Variants in ZNF91 observed in about 807,000 individuals in gnomAD.
ZNF91 encodes the protein zinc finger protein 91.
Under a neutral mutation model 12.6 loss-of-function variants are expected in ZNF91, and 7 were observed. That is an observed-to-expected ratio of 0.55 (90% CI 0.31 to 1.04). The LOEUF is 1.04. Ranked by LOEUF, ZNF91 falls within the 50% of genes least tolerant of loss-of-function variation. The pLI, the probability that ZNF91 is intolerant of heterozygous loss-of-function variation, is 0.05. For missense variants in ZNF91, 1,217 were observed against 1,385.4 expected (o/e 0.88, Z 1.93); for synonymous variants, 453 against 462.6 (o/e 0.98, Z 0.27).
chr19:23,360,164 T>G lies in ZNF91; in HGVS notation c.2815A>C (p.Lys939Gln). ...AAAGCTTTGCCACATTCTTCACATT[T>G]GTAGGGTTTCTCTCCAGTGTGCATC... is the stretch of plus-strand genomic sequence containing the variant. ...KRMHTGEKPYKCEECGKAFSQ... is the reference protein window; with the variant it reads ...KRMHTGEKPYQCEECGKAFSQ... Residue 939 changes from lysine (K) to glutamine (Q), a missense_variant, in exon 4 of 4, where the codon AAA becomes CAA. Physicochemically the swap from Lys to Gln is moderately conservative, Grantham distance 53. This residue lies in a region of ZNF91 where 491 missense variants were observed against 489.8 expected (regional missense o/e 1.00). Coordinates refer to ENST00000300619, the MANE Select transcript of ZNF91 (RefSeq NM_003430.4). 7 of 1,613,948 alleles carry G rather than the reference T, an allele frequency of 4.3e-6. No individual in the cohort carries two copies. The highest frequency in any genetic ancestry group is 4.2e-6 in the Non-Finnish European group (5 of 1,180,012).
chr19:23,365,883 G>A (rs1030283053), intron 3 of ZNF91, among the ~76,000 whole-genome samples: 2 of 152,054 alleles, frequency 1.3e-5, no homozygotes, highest in African/African-American at 4.8e-5. Flanking sequence ...CAGGGTTGGG[G>A]GTAAGGTCAT....
At chr19:23,344,514 C>T (rs1421342743) in intron 3 of ZNF91, among the ~76,000 whole-genome samples, 1 of 152,204 alleles carries the variant, frequency 6.6e-6, no homozygotes, top group Non-Finnish European at 1.5e-5. Flanking sequence ...GTCTCTTTAG[C>T]ATTCTAGAAG....
chr19:23,389,776 A>G (rs563337043), intron 1 of ZNF91, among the ~76,000 whole-genome samples: 32 of 152,150 alleles, frequency 2.1e-4, no homozygotes, highest in Non-Finnish European at 2.8e-4. Flanking sequence ...CTCCAACACC[A>G]ACTTATTATC....
chr19:23,317,520 C>G (rs1173295670), intron 1 of ZNF91, among the ~76,000 whole-genome samples: 1 of 152,184 alleles, frequency 6.6e-6, no homozygotes, highest in African/African-American at 2.4e-5. Context: ...ATAAAGCCCT[C>G]TGGTGCTACA....
intron 3 of ZNF91, among the ~76,000 whole-genome samples, chr19:23,364,510 T>A (rs1968924352): frequency 6.6e-6 from 1 of 152,044 alleles, no homozygotes; most frequent in Non-Finnish European, 1.5e-5. Context: ...AAAAACATTT[T>A]AGCAATATGT....
chr19:23,395,471 C>T lies in ZNF91; in HGVS notation c.-117G>A. On this transcript the variant is annotated 5_prime_UTR_variant, in exon 1 of 4. Transcript: ENST00000300619. ...TGGAAACTCCGGCGGCAGCGAGAGA[C>T]AAAGGCCCAGCCACATCCCGGAAGC... 1 of 1,282,728 alleles carries T rather than the reference C, an allele frequency of 7.8e-7. No homozygotes were observed. The highest frequency in any genetic ancestry group is 2.1e-5 in the Admixed American group (1 of 46,774). 79.5% of individuals were successfully genotyped at this position (1,282,728 alleles called of 1,614,324 possible). A position where few individuals can be genotyped will look rare whatever the true frequency, so the allele number is the denominator to read the frequency against.
chr19:23,323,909 CTCCTT>C (rs201960001), intron 1 of ZNF91: 1,714 of 143,938 alleles, frequency 0.012, 30 homozygotes, highest in African/African-American at 0.041. Context: ...TCTTTCTCCA[CTCCTT>C]TCTTTTCTCC....
rs1416647799 is a variant in ZNF91, at chr19:23,362,289, T to A, written c.690A>T (p.Glu230Asp). 3 of 1,614,014 alleles carry A rather than the reference T, an allele frequency of 1.9e-6. No homozygotes were observed. Among genetic ancestry groups the A allele is most frequent in the Non-Finnish European group, 2.5e-6 (3 of 1,179,968 alleles). ...HWSSTLTNHK[E>D]IHTEDKPYKC... ...TGTAGGGTTTATCTTCAGTATGAAT[T>A]TCCTTATGATTAGTAAGGGTTGAGG... The change falls in exon 4 of 4, where the codon GAA becomes GAT. Residue 230 changes from glutamate (E) to aspartate (D), a missense_variant. By Grantham distance (45) the Glu-to-Asp change is conservative. This residue lies in a region of ZNF91 where 726 missense variants were observed against 895.5 expected (regional missense o/e 0.81). Coordinates refer to ENST00000300619, the MANE Select transcript of ZNF91 (RefSeq NM_003430.4).
chr19:23,324,317 T>A (rs1249677685), intron 1 of ZNF91: 2 of 151,742 alleles, frequency 1.3e-5, no homozygotes, highest in Non-Finnish European at 2.9e-5. Context: ...TTCTCTTTCC[T>A]CCTCCTTTTC....
chr19:23,308,170 A>G (rs1383986840), intron 2 of ZNF91: 4 of 152,126 alleles, frequency 2.6e-5, no homozygotes, highest in African/African-American at 9.7e-5. Context: ...CATTGGGCTC[A>G]ACCCCTAGCA....
At position 23,362,295 on chromosome 19, in the gene ZNF91, A is replaced by G. The variant is rs762750563; in HGVS notation, c.684T>C (p.His228=). 3.1e-6 allele frequency: 5 copies of G among 1,614,008 alleles called. No individual in the cohort carries two copies. The highest frequency in any genetic ancestry group is 4.2e-6 in the Non-Finnish European group (5 of 1,179,968). The stretch of plus-strand genomic sequence containing the variant: ...GTTTATCTTCAGTATGAATTTCCTT[A>G]TGATTAGTAAGGGTTGAGGACCAAT... ...TFHWSSTLTN[H]KEIHTEDKPY... Residue 228 remains histidine, a synonymous_variant, in exon 4 of 4, where the codon CAT becomes CAC. Coordinates refer to ENST00000300619, the MANE Select transcript of ZNF91 (RefSeq NM_003430.4).
At chr19:23,311,553 C>T (rs1017730608), upstream of ZNF91, among the ~76,000 whole-genome samples, 8 of 151,896 alleles carry the variant, frequency 5.3e-5, no homozygotes, top group South Asian at 4.2e-4. Context: ...GGTATTGTGA[C>T]GTATTTTTGC....
Position 23,357,981 on chromosome 19 carries a change from A to G in ZNF91, c.*1422T>C, listed in dbSNP as rs1968536561. On this transcript the variant is annotated 3_prime_UTR_variant, in exon 4 of 4. Coordinates refer to ENST00000300619, the MANE Select transcript of ZNF91 (RefSeq NM_003430.4). ...TACATTTAAATGAGAAAATAAAAAT[A>G]AAAATTTAGCCTATGGGAACAATAT... is the stretch of plus-strand genomic sequence containing the variant. 1 of 152,206 alleles carries G rather than the reference A, an allele frequency of 6.6e-6. No homozygotes were observed. The highest frequency in any genetic ancestry group is 1.5e-5 in the Non-Finnish European group (1 of 68,018). The allele number at this position is 152,206 out of a possible 1,614,324, so 9.4% of individuals were successfully genotyped here.
intron 1 of ZNF91, among the ~76,000 whole-genome samples, chr19:23,331,725 T>A (rs747743328): frequency 6.6e-6 from 1 of 152,226 alleles, no homozygotes; most frequent in Non-Finnish European, 1.5e-5. Flanking sequence ...GGAGAGTGGA[T>A]AGTGTGTGGT....
intron 3 of ZNF91, among the ~76,000 whole-genome samples, chr19:23,373,347 T>C (rs756813299): frequency 7.1e-3 from 29 of 4,100 alleles, no homozygotes; most frequent in South Asian, 0.031. Context: ...CATGTAATCT[T>C]ATATATATAT....
downstream of ZNF91, among the ~76,000 whole-genome samples, chr19:23,356,367 C>G (rs1468703618): frequency 2.0e-5 from 3 of 151,938 alleles, no homozygotes; most frequent in African/African-American, 4.8e-5. Flanking sequence ...TGTATATATA[C>G]ACACACATGC....
chr19:23,366,737 T>C (rs1243509871), intron 3 of ZNF91, among the ~76,000 whole-genome samples: 1 of 152,220 alleles, frequency 6.6e-6, no homozygotes, highest in East Asian at 1.9e-4. Context: ...AGTGCACACA[T>C]TTTGATTACC....
intron 1 of ZNF91, chr19:23,328,533 G>A (rs1331510095): frequency 1.3e-5 from 2 of 152,134 alleles, no homozygotes; most frequent in Admixed American, 1.3e-4. Flanking sequence ...AGTAGATAGG[G>A]GCTAGAGCAG....
chr19:23,362,320 T>A lies in ZNF91; in HGVS notation c.659A>T (p.His220Leu), dbSNP rs755220138. 9 of 1,613,636 alleles carry A rather than the reference T, an allele frequency of 5.6e-6. No homozygotes were observed. The Admixed American group carries it at 1.5e-4, about 27-fold the overall frequency. The part of the protein sequence containing the change: ...CKCKECEKTF[H>L]WSSTLTNHKE... ...ATGATTAGTAAGGGTTGAGGACCAA[T>A]GAAAGGTTTTTTCACATTCTTTACA... Residue 220 changes from histidine (H) to leucine (L), a missense_variant, in exon 4 of 4, where the codon CAT (histidine) becomes CTT (leucine). This residue lies in a region of ZNF91 where 726 missense variants were observed against 895.5 expected (regional missense o/e 0.81). Transcript: ENST00000300619.
Sources: allele counts gnomAD v4.1 joint callset (sites outside exome capture counted in the v4.1 genomes callset), GRCh38; gene constraint gnomAD v4.1.1; regional missense constraint gnomAD v4.1.1; transcripts MANE v1.5; gene names NCBI Gene and HGNC (gene_info 2026-07-23, HGNC 2026-07-21).